MYH8: variants seen among roughly 807,000 people sequenced by gnomAD.
The protein encoded by MYH8 is myosin heavy chain 8.
Under a neutral mutation model 233.2 loss-of-function variants are expected in MYH8, and 168 were observed. The observed-to-expected ratio is 0.72, with a 90% CI of 0.64 to 0.82. The LOEUF (loss-of-function observed/expected upper bound fraction) is 0.82. MYH8 is among the 40% of genes least tolerant of loss of function. The pLI, the probability that MYH8 is intolerant of heterozygous loss-of-function variation, is 0.00. For synonymous variants in MYH8, 785 were observed against 850.6 expected (o/e 0.92, Z 1.34); for missense variants, 1,995 against 2,327.8 (o/e 0.86, Z 2.94).
chr17:10,418,210 A>C (rs2072304564), intron 5 of MYH8, among the ~76,000 whole-genome samples: 1 of 152,260 alleles, frequency 6.6e-6, no homozygotes, highest in Non-Finnish European at 1.5e-5. Flanking sequence ...GTGTCATTCA[A>C]AAATAAACAT....
chr17:10,396,246 G>A lies in MYH8; in HGVS notation c.4653+84C>T, dbSNP rs146599852. 9.3e-5 allele frequency: 140 copies of A among 1,507,188 alleles called. No individual in the cohort carries two copies. In the African/African-American group the frequency reaches 1.8e-3, roughly 20 times the overall value. The allele number at this position is 1,507,188 out of a possible 1,614,324, so 93.4% of individuals were successfully genotyped here. A position where few individuals can be genotyped will look rare whatever the true frequency, so the allele number is the denominator to read the frequency against. ...AAGTTGTCCTTCATAAAGATCCTGT[G>A]AGTTTAAATTATCACTAGCCCCACT... On this transcript the variant is annotated intron_variant, in intron 33 of 39. Transcript: ENST00000403437. This position sits in a 1 kb window ranked among gnomAD's most constrained non-coding sequence, Gnocchi z 4.2.
At chr17:10,392,442 G>T in intron 38 of MYH8, 100 bp downstream of exon 38, 1 of 1,063,000 alleles carries the variant, frequency 9.4e-7, no homozygotes. Context: ...CCAAGTTAAT[G>T]CGTATTTGTT....
intron 19 of MYH8, 53 bp downstream of exon 19, chr17:10,406,637 T>A: frequency 6.6e-7 from 1 of 1,521,812 alleles, no homozygotes; most frequent in East Asian, 2.2e-5. Context: ...CTTCTTAATT[T>A]TTTAATACAT....
chr17:10,402,820 A>G (rs2072155793), intron 22 of MYH8, among the ~76,000 whole-genome samples: 1 of 152,206 alleles, frequency 6.6e-6, no homozygotes, highest in African/African-American at 2.4e-5. Flanking sequence ...TCCCCAGTGT[A>G]ACAAAAATGT....
At chr17:10,391,832 C>T in intron 39 of MYH8, 50 bp downstream of exon 39, 2 of 1,438,148 alleles carry the variant, frequency 1.4e-6, no homozygotes, top group South Asian at 2.3e-5. Context: ...AAAACACTTT[C>T]TACTGCAAAA....
chr17:10,410,793 A>T lies in MYH8; in HGVS notation c.1571T>A (p.Ile524Asn), dbSNP rs748690722. The change falls in exon 15 of 40, where the codon ATT (isoleucine) becomes AAT (asparagine). Residue 524 changes from isoleucine (I) to asparagine (N), a missense_variant. Ile to Asn is a moderately radical substitution (Grantham distance 149). Around this residue, in one of 3 missense-constraint regions of MYH8, gnomAD observed 1,498 missense variants for 1,680.9 expected, o/e 0.89. Coordinates refer to ENST00000403437, the MANE Select transcript of MYH8 (RefSeq NM_002472.3). ...CAAACCGACCTTCTCAATGAGCTCA[A>T]TGCAGGCAGCCAGGTCCATCCCAAA... is the stretch of plus-strand genomic sequence containing the variant. ...IDFGMDLAAC[I>N]ELIEKPLGIF... 4 of 1,613,950 alleles carry T rather than the reference A, an allele frequency of 2.5e-6. No individual in the cohort carries two copies. In the East Asian group the frequency reaches 6.7e-5, roughly 27 times the overall value.
Position 10,401,074 on chromosome 17 carries a change from T to C in MYH8, c.3226A>G (p.Lys1076Glu). The change falls in exon 25 of 40, where the codon AAA (lysine) becomes GAA (glutamate). Residue 1076 changes from lysine (K) to glutamate (E), a missense_variant. By Grantham distance (56) the Lys-to-Glu change is moderately conservative. Transcript: ENST00000403437. Reference protein sequence around the residue: ...QESTMDMENDKQQLDEKLEKK... With the variant: ...QESTMDMENDEQQLDEKLEKK... ...TCAAGCTTTTCATCAAGTTGCTGTT[T>C]GTCATTTTCCATATCCATTGTGGAT... The C allele has an allele frequency of 6.2e-7, 1 of 1,614,230 alleles. No individual in the cohort carries two copies. Among genetic ancestry groups the C allele is most frequent in the Non-Finnish European group, 8.5e-7 (1 of 1,180,030 alleles).
chr17:10,392,305 A>T (rs1597396280), intron 38 of MYH8, among the ~76,000 whole-genome samples: 2 of 117,510 alleles, frequency 1.7e-5, no homozygotes, highest in African/African-American at 5.2e-5. Flanking sequence ...ACTAATACCC[A>T]GTTAATCTGC....
At chr17:10,394,894 G>A (rs2072065064) in intron 34 of MYH8, among the ~76,000 whole-genome samples, 1 of 152,184 alleles carries the variant, frequency 6.6e-6, no homozygotes. Flanking sequence ...GGCCTGTCTG[G>A]TGCCCAAGTC....
Position 10,395,530 on chromosome 17 carries a change from G to C in MYH8, c.4654-89C>G, listed in dbSNP as rs1191010948. 3.7e-6 allele frequency: 5 copies of C among 1,339,984 alleles called. No individual in the cohort carries two copies. The Admixed American group carries it at 9.3e-5, about 25-fold the overall frequency. 83.0% of individuals were successfully genotyped at this position (1,339,984 alleles called of 1,614,324 possible). ...GTGAGCCAAACTCTTGTCAATATCA[G>C]TTTGTCTAATTTTACAAAGTATAAT... On this transcript the variant is annotated intron_variant, in intron 33 of 39. Transcript: ENST00000403437.
At chr17:10,412,318 T>C (rs953188962) in intron 14 of MYH8, 52 bp downstream of exon 14, 10 of 1,613,930 alleles carry the variant, frequency 6.2e-6, no homozygotes, top group Non-Finnish European at 8.5e-6. Context: ...TAATACCTAA[T>C]ATATCAAAGC....
At chr17:10,409,860 T>C (rs1962743987) in intron 15 of MYH8, among the ~76,000 whole-genome samples, 1 of 152,236 alleles carries the variant, frequency 6.6e-6, no homozygotes. Context: ...ATTATTATAC[T>C]TTTTTCCTAT....
At position 10,401,095 on chromosome 17, in the gene MYH8, T is replaced by C. The variant is rs757730518; in HGVS notation, c.3205A>G (p.Thr1069Ala). The C allele has an allele frequency of 3.1e-6, 5 of 1,614,252 alleles. No individual in the cohort carries two copies. The highest frequency in any genetic ancestry group is 3.3e-5 in the Admixed American group (2 of 60,030). ...EGDLKLAQES[T>A]MDMENDKQQL... Reference sequence around the variant, plus strand: ...TGTTTGTCATTTTCCATATCCATTGTGGATTCTTGGGCCAATTTGAGGTCA... The same window carrying C: ...TGTTTGTCATTTTCCATATCCATTGCGGATTCTTGGGCCAATTTGAGGTCA... Residue 1069 changes from threonine to alanine, a missense_variant, in exon 25 of 40, where the codon ACA (threonine) becomes GCA (alanine). By Grantham distance (58) the Thr-to-Ala change is moderately conservative. Transcript: ENST00000403437.
At chr17:10,410,467 G>A (rs2072234473) in intron 15 of MYH8, among the ~76,000 whole-genome samples, 1 of 152,142 alleles carries the variant, frequency 6.6e-6, no homozygotes, top group Non-Finnish European at 1.5e-5. Context: ...GGATCATAAT[G>A]GAGATAGATC....
At position 10,398,427 on chromosome 17, in the gene MYH8, G is replaced by A. The variant is rs960370460; in HGVS notation, c.4178+17C>T. 1 of 1,613,762 alleles carries A rather than the reference G, an allele frequency of 6.2e-7. No homozygotes were observed. The highest frequency in any genetic ancestry group is 1.3e-5 in the African/African-American group (1 of 74,886). ...GCTGCTTCTGGGAGTTCCTCTTCTA[G>A]AGTTCACAGCACATACTTGGCCTCC... On this transcript the variant is annotated intron_variant, in intron 30 of 39. Transcript: ENST00000403437.
At chr17:10,408,780 C>T (rs541207310) in intron 17 of MYH8, among the ~76,000 whole-genome samples, 4 of 152,222 alleles carry the variant, frequency 2.6e-5, no homozygotes, top group South Asian at 2.1e-4. Context: ...GCATTCAAAG[C>T]GGAATAAGAA....
At chr17:10,407,162 G>T (rs2072202228) in intron 17 of MYH8, among the ~76,000 whole-genome samples, 183 bp from the exon 18 acceptor site, 1 of 152,152 alleles carries the variant, frequency 6.6e-6, no homozygotes, top group Non-Finnish European at 1.5e-5. Flanking sequence ...GGCCAAAGTG[G>T]TTGGAAGGAA....
At chr17:10,409,726 G>C in intron 15 of MYH8, 138 bp from the exon 16 acceptor site, 1 of 1,190,674 alleles carries the variant, frequency 8.4e-7, no homozygotes, top group Non-Finnish European at 1.2e-6. Flanking sequence ...GCTCGAAGAA[G>C]TCCCTTGTTA....
rs1265844506 is a variant in MYH8, at chr17:10,399,603, C to G, written c.3802G>C (p.Glu1268Gln). Residue 1268 changes from glutamate to glutamine, a missense_variant, in exon 28 of 40, where the codon GAG becomes CAG. By Grantham distance (29) the Glu-to-Gln change is conservative. Coordinates refer to ENST00000403437, the MANE Select transcript of MYH8 (RefSeq NM_002472.3). ...QVSELKTKEE[E>Q]QQRLINDLTA... ...AGGTCATTGATCAGCCGCTGCTGCT[C>G]CTCTTCCTTGGTCTTAAGCTCACTC... 1 of 1,614,116 alleles carries G rather than the reference C, an allele frequency of 6.2e-7. No individual in the cohort carries two copies.
Sources: gnomAD v4.1 joint callset for allele counts (sites outside exome capture counted in the v4.1 genomes callset) on GRCh38, gnomAD v4.1.1 for gene constraint, gnomAD v4.1.1 regional missense constraint, Gnocchi (gnomAD v3.1) non-coding constraint, MANE v1.5 for transcripts, NCBI Gene and HGNC (gene_info 2026-07-23, HGNC 2026-07-21) for gene names.